The following ERC2 variants were observed in gnomAD, a reference collection of about 807,000 sequenced individuals.
The protein encoded by ERC2 is ELKS/RAB6-interacting/CAST family member 2.
ERC2 carries 42 observed loss-of-function variants against 114.8 expected under a neutral mutation model. The observed-to-expected ratio is 0.37, with a 90% CI of 0.29 to 0.47. The LOEUF (loss-of-function observed/expected upper bound fraction) is 0.47, where lower values mean the gene tolerates loss of function less well. Ranked by LOEUF, ERC2 falls within the 20% of genes least tolerant of loss-of-function variation. The pLI, the probability that ERC2 is intolerant of heterozygous loss-of-function variation, is 0.99. For synonymous variants in ERC2, 454 were observed against 425.5 expected, an observed-to-expected ratio of 1.07 and a Z score of -0.82; for missense variants, 939 against 1,150.7, an observed-to-expected ratio of 0.82 and a Z score of 2.66.
At chr3:56,335,562 A>C (rs1303939923) in intron 2 of ERC2, among the ~76,000 whole-genome samples, 1 of 152,214 alleles carries the variant, frequency 6.6e-6, no homozygotes, top group Non-Finnish European at 1.5e-5. Context: ...TCTATAACCC[A>C]TAAGACAAAA....
chr3:56,069,775 G>T (rs572519600), intron 7 of ERC2, among the ~76,000 whole-genome samples: 95 of 152,252 alleles, frequency 6.2e-4, no homozygotes, highest in African/African-American at 2.2e-3. Flanking sequence ...AATCTAAAAA[G>T]GAGGTATGAT....
intron 2 of ERC2, among the ~76,000 whole-genome samples, chr3:56,368,576 A>G (rs1167486091): frequency 6.6e-6 from 1 of 152,192 alleles, no homozygotes; most frequent in Non-Finnish European, 1.5e-5. Flanking sequence ...CCTTATGGCC[A>G]TGCAATCCAC....
intron 13 of ERC2, among the ~76,000 whole-genome samples, chr3:55,899,373 A>G (rs2064004230): frequency 6.6e-6 from 1 of 152,230 alleles, no homozygotes; most frequent in Non-Finnish European, 1.5e-5. Flanking sequence ...TATTTATAAA[A>G]ATCAGAATAA....
At chr3:55,725,400 G>T (rs1424648546) in intron 15 of ERC2, among the ~76,000 whole-genome samples, 1 of 152,104 alleles carries the variant, frequency 6.6e-6, no homozygotes, top group East Asian at 1.9e-4. Flanking sequence ...CACAAAAGGT[G>T]GGCTACAGAT....
At chr3:55,542,806 A>G (rs974870281) in intron 17 of ERC2, among the ~76,000 whole-genome samples, 23 of 152,246 alleles carry the variant, frequency 1.5e-4, no homozygotes, top group African/African-American at 5.1e-4. Flanking sequence ...CTTGACTAAA[A>G]GACAAAAGGA....
rs79533595 is a variant in ERC2 at position 56,200,396 on chromosome 3, T to C, written c.1075-26876A>G. 3.8e-4 allele frequency among the ~76,000 whole-genome samples: 57 copies of C among 151,704 alleles called. No individual in the cohort carries two copies. In the East Asian group the frequency reaches 9.1e-3, roughly 24 times the overall value. On this transcript the variant is annotated intron_variant, in intron 3 of 17. Coordinates refer to ENST00000288221, the MANE Select transcript of ERC2 (RefSeq NM_015576.3). ...GTATCTTTTTACTAAGAAAAATATC[T>C]TTCCTCCCAGCTCTAACAAGTTACT...
intron 3 of ERC2, among the ~76,000 whole-genome samples, chr3:56,216,031 A>T (rs2150135786): frequency 6.6e-6 from 1 of 152,312 alleles, no homozygotes; most frequent in South Asian, 2.1e-4. Flanking sequence ...AATGCCCACA[A>T]GAAAAAGCAG....
chr3:55,685,661 T>C (rs189115098), intron 16 of ERC2, among the ~76,000 whole-genome samples: 41 of 152,228 alleles, frequency 2.7e-4, no homozygotes, highest in East Asian at 1.6e-3. Context: ...TGTGCAAATA[T>C]ATGTCTCTGG....
chr3:55,729,300 G>A (rs532525205), intron 15 of ERC2, among the ~76,000 whole-genome samples: 52 of 152,048 alleles, frequency 3.4e-4, no homozygotes, highest in South Asian at 8.3e-4. Context: ...GCTTCATTCC[G>A]TCTGCTGGAA....
intron 3 of ERC2, among the ~76,000 whole-genome samples, chr3:56,204,917 C>T (rs940448248): frequency 8.3e-5 from 8 of 96,096 alleles, no homozygotes; most frequent in African/African-American, 2.2e-4. Flanking sequence ...AACCATGGGA[C>T]GTGTCTGTGT....
At chr3:55,713,710 G>A (rs1032130132) in intron 15 of ERC2, among the ~76,000 whole-genome samples, 2 of 152,156 alleles carry the variant, frequency 1.3e-5, no homozygotes, top group Non-Finnish European at 2.9e-5. Flanking sequence ...ATGCTGGCAG[G>A]TCACAGCCTA....
At chr3:56,037,825 G>A (rs2074901525) in intron 7 of ERC2, among the ~76,000 whole-genome samples, 1 of 152,110 alleles carries the variant, frequency 6.6e-6, no homozygotes, top group South Asian at 2.1e-4. Flanking sequence ...ACTTAAAAAG[G>A]GAAGCCCAGC....
intron 3 of ERC2, among the ~76,000 whole-genome samples, chr3:56,211,627 G>C (rs999238437): frequency 1.3e-5 from 2 of 151,650 alleles, no homozygotes; most frequent in Non-Finnish European, 2.9e-5. Flanking sequence ...AACCAAAAAA[G>C]AACCCACATA....
At chr3:56,268,988 A>C (rs2053493883) in intron 3 of ERC2, among the ~76,000 whole-genome samples, 1 of 152,198 alleles carries the variant, frequency 6.6e-6, no homozygotes, top group African/African-American at 2.4e-5. Flanking sequence ...TTCTAGTAAC[A>C]ATCAGCTAGG....
intron 17 of ERC2, among the ~76,000 whole-genome samples, chr3:55,545,780 G>C (rs2054701962): frequency 6.6e-6 from 1 of 152,196 alleles, no homozygotes; most frequent in Admixed American, 6.5e-5. Context: ...GGTACCCACT[G>C]GGCCGGGTCC....
chr3:56,029,783 A>G (rs529605980), intron 7 of ERC2, among the ~76,000 whole-genome samples: 1 of 152,028 alleles, frequency 6.6e-6, no homozygotes, highest in African/African-American at 2.4e-5. Flanking sequence ...TTTTAATGTT[A>G]TTGATTTTCT....
rs559240486 is a variant in ERC2, at chr3:56,172,045, T to C, written c.1149+1401A>G. ...TTCATTTTTCCTCTTTTTTTTTTTT[T>C]AAAGCCTTAACCAAGTATCAGGTTT... is the stretch of plus-strand genomic sequence containing the variant. On this transcript the variant is annotated intron_variant, in intron 4 of 17. Transcript: ENST00000288221. Among the ~76,000 whole-genome samples the C allele has an allele frequency of 2.0e-4, 28 of 143,262 alleles. No individual in the cohort carries two copies. In the East Asian group the frequency reaches 5.5e-3, roughly 28 times the overall value. 94.0% of individuals were successfully genotyped at this position (143,262 alleles called of 152,430 possible).
intron 7 of ERC2, among the ~76,000 whole-genome samples, chr3:56,071,925 G>A (rs906762699): frequency 6.6e-6 from 1 of 152,144 alleles, no homozygotes; most frequent in African/African-American, 2.4e-5. Context: ...CAACAGTATC[G>A]ATCAATTGGT....
chr3:55,705,499 T>C (rs1559525345), intron 15 of ERC2, among the ~76,000 whole-genome samples: 1 of 152,170 alleles, frequency 6.6e-6, no homozygotes, highest in Non-Finnish European at 1.5e-5. Context: ...CAAAATAACA[T>C]CAACCTGTGG....
Sources: allele counts gnomAD v4.1 joint callset (sites outside exome capture counted in the v4.1 genomes callset), GRCh38; gene constraint gnomAD v4.1.1; transcripts MANE v1.5; gene names NCBI Gene and HGNC (gene_info 2026-07-23, HGNC 2026-07-21).